TMEM178B: variants seen among roughly 807,000 people sequenced by gnomAD.
TMEM178B encodes the protein transmembrane protein 178B.
TMEM178B carries 5 observed loss-of-function variants against 31.0 expected under a neutral mutation model. The observed-to-expected ratio is 0.16, with a 90% CI of 0.08 to 0.34. TMEM178B has a LOEUF of 0.34. Among genes scored for constraint, TMEM178B ranks in the 10% least tolerant of loss-of-function variants. The pLI, the probability that TMEM178B is intolerant of heterozygous loss-of-function variation, is 1.00. For missense variants in TMEM178B, 275 were observed against 400.3 expected, an observed-to-expected ratio of 0.69 and a Z score of 2.67; for synonymous variants, 164 against 164.0, an observed-to-expected ratio of 1.00 and a Z score of 0.00.
intron 1 of TMEM178B, among the ~76,000 whole-genome samples, chr7:141,101,805 G>T (rs892205223): frequency 1.3e-5 from 2 of 152,110 alleles, no homozygotes; most frequent in Non-Finnish European, 2.9e-5. Context: ...TGCTCTTCAT[G>T]AATTAGCCAG....
At chr7:141,331,046 T>G (rs1799290815) in intron 2 of TMEM178B, among the ~76,000 whole-genome samples, 1 of 152,146 alleles carries the variant, frequency 6.6e-6, no homozygotes, top group Non-Finnish European at 1.5e-5. Flanking sequence ...CAACTGAGAT[T>G]GAGAGGAAAG....
At chr7:141,501,594 T>C in the TMEM178B span, among the ~76,000 whole-genome samples, 8 of 152,220 alleles carry the variant, frequency 5.3e-5, no homozygotes, top group Non-Finnish European at 7.3e-5. Context: ...TTTAAATCAG[T>C]AGACTTTGAG....
intron 2 of TMEM178B, among the ~76,000 whole-genome samples, chr7:141,376,530 G>A (rs907982271): frequency 3.9e-5 from 6 of 152,100 alleles, no homozygotes; most frequent in African/African-American, 7.2e-5. Context: ...GAACACCATC[G>A]ATGTCTTCTT....
chr7:141,408,110 C>T (rs879671924), intron 2 of TMEM178B, among the ~76,000 whole-genome samples: 40 of 151,974 alleles, frequency 2.6e-4, no homozygotes, highest in African/African-American at 8.5e-4. Flanking sequence ...CCAAATGCCA[C>T]ATGACCCAAG....
At chr7:141,141,793 G>A (rs1462423963) in intron 1 of TMEM178B, among the ~76,000 whole-genome samples, 1 of 152,048 alleles carries the variant, frequency 6.6e-6, no homozygotes, top group African/African-American at 2.4e-5. Flanking sequence ...AGTGCATAAA[G>A]TATTAAAGAA....
rs1802271289 is a variant in TMEM178B at position 141,472,850 on chromosome 7, T to G, written c.*2064T>G. ...GACATCTGATGTGCATGAATGGGGT[T>G]GAATGTGGATCTCTCTGTATGTGTA... On this transcript the variant is annotated 3_prime_UTR_variant, in exon 4 of 4. Transcript: ENST00000565468. The G allele has an allele frequency of 6.6e-6, 1 of 152,188 alleles. No homozygotes were observed. Among genetic ancestry groups the G allele is most frequent in the African/African-American group, 2.4e-5 (1 of 41,444 alleles). The allele number at this position is 152,188 out of a possible 1,614,324, so 9.4% of individuals were successfully genotyped here.
Position 141,243,587 on chromosome 7 carries a change from G to A in TMEM178B, c.496+30883G>A, listed in dbSNP as rs200367250. ...AATTTGGGCCAGTAGAAGTGTGACCGTTACCAGGTCACTCTCCTCGCTGGG... is the reference window on the plus strand; with the variant it reads ...AATTTGGGCCAGTAGAAGTGTGACCATTACCAGGTCACTCTCCTCGCTGGG... On this transcript the variant is annotated intron_variant, in intron 2 of 3. Coordinates refer to ENST00000565468, the MANE Select transcript of TMEM178B (RefSeq NM_001195278.2). Among the ~76,000 whole-genome samples the A allele has an allele frequency of 1.3e-4, 20 of 152,166 alleles. No homozygotes were observed. In the East Asian group the frequency reaches 2.5e-3, roughly 19 times the overall value.
At chr7:141,496,648 C>A in the TMEM178B span, among the ~76,000 whole-genome samples, 12 of 113,160 alleles carry the variant, frequency 1.1e-4, no homozygotes, top group East Asian at 2.9e-3. Flanking sequence ...CCAGCCTGGG[C>A]GACAGAGCGA....
chr7:141,257,720 G>A (rs1797950386), intron 2 of TMEM178B, among the ~76,000 whole-genome samples: 2 of 151,736 alleles, frequency 1.3e-5, no homozygotes. Flanking sequence ...GCATATAGTG[G>A]GGTCTTTTTA....
intron 2 of TMEM178B, among the ~76,000 whole-genome samples, chr7:141,421,524 T>C (rs1279404947): frequency 6.6e-6 from 1 of 152,176 alleles, no homozygotes; most frequent in African/African-American, 2.4e-5. Context: ...AATAAAAGCG[T>C]GGGCCTTGGT....
At chr7:141,195,832 A>T (rs1012392703) in intron 1 of TMEM178B, among the ~76,000 whole-genome samples, 14 of 152,226 alleles carry the variant, frequency 9.2e-5, no homozygotes, top group African/African-American at 3.4e-4. Context: ...CAGGAGGCGA[A>T]AGGCACTTCT....
chr7:141,075,401 A>G (rs560367382), intron 1 of TMEM178B, among the ~76,000 whole-genome samples: 187 of 152,252 alleles, frequency 1.2e-3, no homozygotes, highest in Non-Finnish European at 2.1e-3. Context: ...AAAAAAAATA[A>G]GATTTTCAGA....
intron 1 of TMEM178B, among the ~76,000 whole-genome samples, chr7:141,101,921 G>A (rs1252578107): frequency 6.6e-6 from 1 of 151,430 alleles, no homozygotes; most frequent in Non-Finnish European, 1.5e-5. Context: ...GTGTGTGTGT[G>A]TGTGTGTGTG....
At chr7:141,370,247 A>G (rs908153577) in intron 2 of TMEM178B, among the ~76,000 whole-genome samples, 1 of 152,150 alleles carries the variant, frequency 6.6e-6, no homozygotes, top group Non-Finnish European at 1.5e-5. Flanking sequence ...ATGGTGGTGA[A>G]GAGACCCAGG....
intron 1 of TMEM178B, among the ~76,000 whole-genome samples, chr7:141,193,537 T>C (rs930808135): frequency 1.3e-5 from 2 of 152,152 alleles, no homozygotes; most frequent in African/African-American, 2.4e-5. Context: ...TCTTAGCTCT[T>C]ATGTTTGGGA....
intron 1 of TMEM178B, among the ~76,000 whole-genome samples, chr7:141,170,597 A>G (rs939632250): frequency 2.2e-4 from 34 of 152,190 alleles, no homozygotes; most frequent in African/African-American, 8.0e-4. Flanking sequence ...CCGATGGTGT[A>G]ACTGATTGCC....
chr7:141,314,368 T>G (rs1335617885), intron 2 of TMEM178B, among the ~76,000 whole-genome samples: 1 of 152,210 alleles, frequency 6.6e-6, no homozygotes, highest in Non-Finnish European at 1.5e-5. Context: ...TATACTCTTT[T>G]GGGGACAGGA....
intron 2 of TMEM178B, among the ~76,000 whole-genome samples, chr7:141,220,745 T>C (rs1797244659): frequency 6.6e-6 from 1 of 152,082 alleles, no homozygotes; most frequent in Non-Finnish European, 1.5e-5. Flanking sequence ...TTGGAAGTGG[T>C]TTTCTTCTGG....
rs145924336 is a variant in TMEM178B, at chr7:141,174,414, A to G, written c.383-38177A>G. On this transcript the variant is annotated intron_variant, in intron 1 of 3. Coordinates refer to ENST00000565468, the MANE Select transcript of TMEM178B (RefSeq NM_001195278.2). ...CTTTGCTACTGTGAACAGTGCCGCAATAAACATAAGTGCGCATGTGTCTTT... is the reference window on the plus strand; with the variant it reads ...CTTTGCTACTGTGAACAGTGCCGCAGTAAACATAAGTGCGCATGTGTCTTT... Among the ~76,000 whole-genome samples the G allele has an allele frequency of 6.1e-4, 93 of 152,322 alleles. No homozygotes were observed. In the East Asian group the frequency reaches 6.7e-3, roughly 11 times the overall value.
Sources: gnomAD v4.1 joint callset for allele counts (sites outside exome capture counted in the v4.1 genomes callset) on GRCh38, gnomAD v4.1.1 for gene constraint, MANE v1.5 for transcripts, NCBI Gene and HGNC (gene_info 2026-07-23, HGNC 2026-07-21) for gene names.